The following GNAL variants were observed in gnomAD, a reference collection of about 807,000 sequenced individuals.
GNAL encodes guanine nucleotide-binding protein G(olf) subunit alpha.
A neutral mutation model predicts 55.1 loss-of-function variants in GNAL; 18 were observed. The ratio of observed to expected loss-of-function variants is 0.33; its 90% CI spans 0.23 to 0.48. The LOEUF (loss-of-function observed/expected upper bound fraction) is 0.48. GNAL is among the 20% of genes least tolerant of loss of function. The pLI, the probability that GNAL is intolerant of heterozygous loss-of-function variation, is 0.99. For synonymous variants in GNAL, 253 were observed against 237.0 expected, an observed-to-expected ratio of 1.07 and a Z score of -0.62; for missense variants, 412 against 614.1, an observed-to-expected ratio of 0.67 and a Z score of 3.48.
At chr18:11,796,202 G>C (rs906729707) in intron 4 of GNAL, among the ~76,000 whole-genome samples, 1 of 152,196 alleles carries the variant, frequency 6.6e-6, no homozygotes, top group Admixed American at 6.5e-5. Flanking sequence ...CCAACAATGT[G>C]TGGTTTAATA....
In GNAL at chr18:11,751,303, C is replaced by T. The variant is rs1205523279; in HGVS notation, c.377-1550C>T. On this transcript the variant is annotated intron_variant, in intron 1 of 11. Coordinates refer to ENST00000334049, the MANE Select transcript of GNAL (RefSeq NM_182978.4). The surrounding 1 kb of genome is among the most constrained non-coding windows in gnomAD (Gnocchi z 4.5). ...TTGGAGGGGTCTCAGTAACGGAGGGCAGGTGCCAGTCTCGCGCCCTAGTTC... is the reference window on the plus strand; with the variant it reads ...TTGGAGGGGTCTCAGTAACGGAGGGTAGGTGCCAGTCTCGCGCCCTAGTTC... Among the ~76,000 whole-genome samples the T allele has an allele frequency of 6.6e-6, 1 of 152,162 alleles. No individual in the cohort carries two copies. Among genetic ancestry groups the T allele is most frequent in the Non-Finnish European group, 1.5e-5 (1 of 68,020 alleles).
At chr18:11,835,748 T>C (rs2035484625) in intron 5 of GNAL, among the ~76,000 whole-genome samples, 1 of 152,198 alleles carries the variant, frequency 6.6e-6, no homozygotes, top group African/African-American at 2.4e-5. Context: ...AATACTTTTG[T>C]TTGCTGAATT....
chr18:11,825,108 T>C, intron 5 of GNAL, 93 bp downstream of exon 5: 1 of 727,940 alleles, frequency 1.4e-6, no homozygotes, highest in Admixed American at 2.7e-5. Context: ...GTTTCTTGAG[T>C]GCAAGGAATG....
intron 5 of GNAL, among the ~76,000 whole-genome samples, chr18:11,836,619 C>A (rs765260280): frequency 1.2e-4 from 19 of 152,142 alleles, no homozygotes; most frequent in Non-Finnish European, 1.5e-5. Context: ...CCAATGAGTT[C>A]ATTATCTTTA....
At chr18:11,765,388 TCAAA>T (rs2033373071) in intron 4 of GNAL, among the ~76,000 whole-genome samples, 1 of 152,244 alleles carries the variant, frequency 6.6e-6, no homozygotes, top group Non-Finnish European at 1.5e-5. Flanking sequence ...ATCCGTCACC[TCAAA>T]CATTTATCAT....
At chr18:11,715,017 C>T (rs1055326316) in intron 1 of GNAL, among the ~76,000 whole-genome samples, 1 of 151,956 alleles carries the variant, frequency 6.6e-6, no homozygotes, top group Non-Finnish European at 1.5e-5. Context: ...TGGTGGTGCA[C>T]ACCTGTAGTC....
chr18:11,861,988 A>ACACACACACACG (rs2036155461), intron 5 of GNAL, among the ~76,000 whole-genome samples: 1 of 150,114 alleles, frequency 6.7e-6, no homozygotes, highest in Non-Finnish European at 1.5e-5. Context: ...ACACACACAC[A>ACACACACACACG]CAACATCTGG....
chr18:11,730,205 G>C (rs1035712768), intron 1 of GNAL, among the ~76,000 whole-genome samples: 1 of 147,228 alleles, frequency 6.8e-6, no homozygotes, highest in Non-Finnish European at 1.5e-5. Flanking sequence ...TGTCACCCAA[G>C]CTGGAGTGCA....
chr18:11,829,276 A>G (rs1248011769), intron 5 of GNAL, among the ~76,000 whole-genome samples: 3 of 152,150 alleles, frequency 2.0e-5, no homozygotes, highest in African/African-American at 7.2e-5. Flanking sequence ...GCTAATTGTA[A>G]CTTCTCCCGT....
intron 1 of GNAL, among the ~76,000 whole-genome samples, chr18:11,750,717 C>G (rs1328710885): frequency 6.6e-6 from 1 of 152,124 alleles, no homozygotes; most frequent in African/African-American, 2.4e-5. Flanking sequence ...GAGGTGGGAG[C>G]AGCAGGAGGG....
chr18:11,709,465 G>T (rs1254450443), intron 1 of GNAL, among the ~76,000 whole-genome samples: 1 of 151,308 alleles, frequency 6.6e-6, no homozygotes, highest in Non-Finnish European at 1.5e-5. Flanking sequence ...CCATTTATTT[G>T]TATCTTCTTT....
At chr18:11,826,835 C>T (rs2035258813) in intron 5 of GNAL, among the ~76,000 whole-genome samples, 1 of 152,180 alleles carries the variant, frequency 6.6e-6, no homozygotes, top group African/African-American at 2.4e-5. Context: ...TTGTCAGAGC[C>T]TGGAGCTCGG....
chr18:11,858,130 T>C (rs1045248271), intron 5 of GNAL, among the ~76,000 whole-genome samples: 1 of 152,222 alleles, frequency 6.6e-6, no homozygotes, highest in Non-Finnish European at 1.5e-5. Flanking sequence ...AAGAATTCTT[T>C]GACGCCAACA....
chr18:11,764,438 C>G (rs2033342655), intron 4 of GNAL, among the ~76,000 whole-genome samples: 2 of 152,224 alleles, frequency 1.3e-5, no homozygotes, highest in Admixed American at 6.5e-5. Context: ...AACTCACACT[C>G]TAGTTTTCAC....
chr18:11,801,270 G>T (rs1393748042), intron 4 of GNAL, among the ~76,000 whole-genome samples: 1 of 152,190 alleles, frequency 6.6e-6, no homozygotes, highest in Non-Finnish European at 1.5e-5. Flanking sequence ...CACAGTGTGG[G>T]CTGGGCGCAG....
At chr18:11,767,626 C>T (rs2033452447) in intron 4 of GNAL, among the ~76,000 whole-genome samples, 1 of 152,202 alleles carries the variant, frequency 6.6e-6, no homozygotes, top group Admixed American at 6.5e-5. Context: ...CACTTACATT[C>T]TGTGTGCTCT....
intron 1 of GNAL, among the ~76,000 whole-genome samples, chr18:11,701,561 CA>C (rs36089846): frequency 0.047 from 2,653 of 56,390 alleles, 76 homozygotes; most frequent in African/African-American, 0.14. Context: ...GCAAGAATCT[CA>C]AAAAAAAAAA....
intron 10 of GNAL, chr18:11,874,278 G>GGACCACCA (rs1267094706): frequency 6.6e-6 from 1 of 152,108 alleles, no homozygotes; most frequent in Non-Finnish European, 1.5e-5. Flanking sequence ...TGGAAGCCTG[G>GGACCACCA]GACCACCATC....
At chr18:11,834,939 T>C (rs2035467771) in intron 5 of GNAL, among the ~76,000 whole-genome samples, 1 of 152,232 alleles carries the variant, frequency 6.6e-6, no homozygotes, top group Non-Finnish European at 1.5e-5. Context: ...AAGCAGGGTG[T>C]GCATCCTCTG....
Sources: allele counts gnomAD v4.1 joint callset (sites outside exome capture counted in the v4.1 genomes callset), GRCh38; gene constraint gnomAD v4.1.1; non-coding constraint Gnocchi (gnomAD v3.1); transcripts MANE v1.5; gene names NCBI Gene and HGNC (gene_info 2026-07-23, HGNC 2026-07-21).